The following PXDNL variants were observed in gnomAD, a reference collection of about 807,000 sequenced individuals.
PXDNL encodes the protein probable oxidoreductase PXDNL.
PXDNL carries 145 observed loss-of-function variants against 150.8 expected under a neutral mutation model. The ratio of observed to expected loss-of-function variants is 0.96; its 90% CI spans 0.84 to 1.10. The LOEUF is 1.10. Among genes scored for constraint, PXDNL ranks in the 50% least tolerant of loss-of-function variants. The pLI is 0.00. For synonymous variants in PXDNL, 757 were observed against 725.7 expected, an observed-to-expected ratio of 1.04 and a Z score of -0.69; for missense variants, 2,087 against 1,873.9, an observed-to-expected ratio of 1.11 and a Z score of -2.10.
At chr8:51,460,967 T>A (rs992293155) in intron 8 of PXDNL, among the ~76,000 whole-genome samples, 1 of 152,144 alleles carries the variant, frequency 6.6e-6, no homozygotes, top group African/African-American at 2.4e-5. Flanking sequence ...CTGATCTGCA[T>A]GCTCCCTTGT....
intron 8 of PXDNL, among the ~76,000 whole-genome samples, chr8:51,458,354 A>G (rs528795643): frequency 4.6e-5 from 7 of 152,228 alleles, no homozygotes; most frequent in Non-Finnish European, 1.0e-4. Flanking sequence ...GTTATTTTTA[A>G]CAATAAATGC....
At chr8:51,661,275 T>G (rs1183555792) in intron 1 of PXDNL, among the ~76,000 whole-genome samples, 1 of 152,164 alleles carries the variant, frequency 6.6e-6, no homozygotes, top group Non-Finnish European at 1.5e-5. Context: ...TGAGGCCATC[T>G]TCCGCTGTTG....
At position 51,449,053 on chromosome 8, in the gene PXDNL, GC is replaced by G; in HGVS notation, c.1314del (p.Trp438CysfsTer36). Reference protein sequence around the residue: ...QVVLEEHAVEWLCEADGNPPP... With the variant: ...QVVLEEHAVEXLCEADGNPPP... ...GGTGGGTTGCCGTCAGCTTCACAGA[GC>G]CACTCTACAGCATGTTCTTCCAGCA... On this transcript the variant is annotated frameshift_variant, in exon 11 of 23. Transcript: ENST00000356297. LOFTEE classifies it high-confidence loss of function. 1 of 1,553,126 alleles carries G rather than the reference GC, an allele frequency of 6.4e-7. No individual in the cohort carries two copies. Among genetic ancestry groups the G allele is most frequent in the Non-Finnish European group, 8.7e-7 (1 of 1,147,712 alleles).
chr8:51,442,941 T>C (rs1194526364), intron 12 of PXDNL, among the ~76,000 whole-genome samples: 1 of 152,180 alleles, frequency 6.6e-6, no homozygotes, highest in Non-Finnish European at 1.5e-5. Flanking sequence ...GGAAATGTTA[T>C]TTAAAGGAAT....
intron 17 of PXDNL, among the ~76,000 whole-genome samples, chr8:51,401,096 A>G (rs993479582): frequency 1.3e-5 from 2 of 152,220 alleles, no homozygotes; most frequent in African/African-American, 2.4e-5. Flanking sequence ...ACCAAGGAGT[A>G]CATACTCTTG....
chr8:51,572,486 T>G (rs1812968274), intron 3 of PXDNL, among the ~76,000 whole-genome samples: 1 of 151,878 alleles, frequency 6.6e-6, no homozygotes, highest in Non-Finnish European at 1.5e-5. Context: ...GAATTATTCA[T>G]GAAGTATCTA....
At chr8:51,593,844 G>A (rs1813502654) in intron 2 of PXDNL, among the ~76,000 whole-genome samples, 1 of 152,166 alleles carries the variant, frequency 6.6e-6, no homozygotes, top group South Asian at 2.1e-4. Flanking sequence ...TGGAGGTGAT[G>A]CCATACAGAG....
intron 1 of PXDNL, among the ~76,000 whole-genome samples, chr8:51,807,017 T>TAC (rs1227012216): frequency 6.6e-6 from 1 of 152,232 alleles, no homozygotes; most frequent in Non-Finnish European, 1.5e-5. Context: ...CCATAGTGTT[T>TAC]ACTAGAGCTA....
At chr8:51,684,216 AC>A (rs1459080309) in intron 1 of PXDNL, among the ~76,000 whole-genome samples, 3 of 152,176 alleles carry the variant, frequency 2.0e-5, no homozygotes, top group East Asian at 3.9e-4. Context: ...CACAGATCTC[AC>A]ATAATCTCTT....
At chr8:51,602,299 C>G (rs546081615) in intron 2 of PXDNL, among the ~76,000 whole-genome samples, 1 of 152,104 alleles carries the variant, frequency 6.6e-6, no homozygotes, top group Admixed American at 6.6e-5. Flanking sequence ...TTCTCCTTCT[C>G]TCTCAGGAAT....
intron 8 of PXDNL, among the ~76,000 whole-genome samples, chr8:51,471,797 C>T (rs1810341513): frequency 6.6e-6 from 1 of 151,984 alleles, no homozygotes; most frequent in Non-Finnish European, 1.5e-5. Context: ...CGCCATTCTC[C>T]TGCCTCAGCC....
At chr8:51,448,269 T>C (rs1482361947) in intron 11 of PXDNL, among the ~76,000 whole-genome samples, 2 of 152,218 alleles carry the variant, frequency 1.3e-5, no homozygotes, top group Admixed American at 1.3e-4. Context: ...GGTTAGATCC[T>C]GCCTGCCAGG....
intron 2 of PXDNL, among the ~76,000 whole-genome samples, chr8:51,604,644 T>TATA (rs1247333899): frequency 6.6e-6 from 1 of 152,142 alleles, no homozygotes; most frequent in African/African-American, 2.4e-5. Flanking sequence ...AAACTTAAAG[T>TATA]ATAATAATAA....
chr8:51,690,225 T>C (rs1298191202), intron 1 of PXDNL, among the ~76,000 whole-genome samples: 1 of 152,152 alleles, frequency 6.6e-6, no homozygotes, highest in Admixed American at 6.5e-5. Context: ...AATGTGCAGG[T>C]TAGTTACATA....
rs544649798 is a variant in PXDNL at position 51,507,119 on chromosome 8, G to A, written c.381-7349C>T. Among the ~76,000 whole-genome samples the A allele has an allele frequency of 1.8e-4, 27 of 152,274 alleles. No individual in the cohort carries two copies. The East Asian group carries it at 3.5e-3, about 20-fold the overall frequency. The stretch of plus-strand genomic sequence containing the variant: ...GAAGTGTGAGACAAGATCCTTGACC[G>A]TCTCAGAGACTGGAATTAGGTGAGT... On this transcript the variant is annotated intron_variant, in intron 4 of 22. Transcript: ENST00000356297.
chr8:51,609,783 T>C (rs552823404), intron 2 of PXDNL, among the ~76,000 whole-genome samples: 65 of 152,282 alleles, frequency 4.3e-4, no homozygotes, highest in African/African-American at 1.5e-3. Flanking sequence ...ATGCCTTTTG[T>C]TTCCACTCGT....
At chr8:51,605,349 G>A (rs35797722) in intron 2 of PXDNL, among the ~76,000 whole-genome samples, 12,812 of 151,982 alleles carry the variant, frequency 0.084, 618 homozygotes, top group South Asian at 0.096. Context: ...AGGCTTCCTG[G>A]TCTTTCTTCC....
In PXDNL at chr8:51,610,059, T is replaced by C. The variant is rs551115216; in HGVS notation, c.237-17361A>G. On this transcript the variant is annotated intron_variant, in intron 2 of 22. Coordinates refer to ENST00000356297, the MANE Select transcript of PXDNL (RefSeq NM_144651.5). The stretch of plus-strand genomic sequence containing the variant: ...TCCATTTTTTTTCAACACGCAGCTC[T>C]AGCAACCAGGAATAGGTATAATAAT... 3.9e-5 allele frequency among the ~76,000 whole-genome samples: 6 copies of C among 152,304 alleles called. 1 individual carries two copies. In the South Asian group the frequency reaches 1.2e-3, roughly 32 times the overall value.
intron 8 of PXDNL, among the ~76,000 whole-genome samples, chr8:51,469,272 G>A (rs1480771965): frequency 1.3e-5 from 2 of 151,950 alleles, no homozygotes; most frequent in Non-Finnish European, 2.9e-5. Flanking sequence ...TTTTGTCTCT[G>A]ACTTTCAATG....
Sources: allele counts gnomAD v4.1 joint callset (sites outside exome capture counted in the v4.1 genomes callset), GRCh38; gene constraint gnomAD v4.1.1; transcripts MANE v1.5; gene names NCBI Gene and HGNC (gene_info 2026-07-23, HGNC 2026-07-21).